The following FNDC3A variants were observed in gnomAD, a reference collection of about 807,000 sequenced individuals.
FNDC3A encodes the protein fibronectin type-III domain-containing protein 3A.
In FNDC3A, 32 loss-of-function variants were observed where a neutral mutation model predicts 148.9. The observed-to-expected ratio is 0.21, with a 90% CI of 0.16 to 0.29. FNDC3A has a LOEUF of 0.29. Among genes scored for constraint, FNDC3A ranks in the 10% least tolerant of loss-of-function variants. FNDC3A has a pLI of 1.00. For missense variants in FNDC3A, 1,191 were observed against 1,452.8 expected, an observed-to-expected ratio of 0.82 and a Z score of 2.93; for synonymous variants, 472 against 473.6, an observed-to-expected ratio of 1.00 and a Z score of 0.04.
Position 48,977,921 on chromosome 13 carries a change from AG to A in FNDC3A, c.-40+1745del, listed in dbSNP as rs564210104. ...TTTTTATCCCAGGCTGGCTACCGTTAGCCACCTGTATGCTTCTGAATTAACT... is the reference window on the plus strand; with the variant it reads ...TTTTTATCCCAGGCTGGCTACCGTTACCACCTGTATGCTTCTGAATTAACT... On this transcript the variant is annotated intron_variant, in intron 1 of 25. Coordinates refer to ENST00000492622, the MANE Select transcript of FNDC3A (RefSeq NM_001079673.2). Among the ~76,000 whole-genome samples the A allele has an allele frequency of 7.0e-4, 107 of 152,280 alleles. 1 individual carries two copies. Among genetic ancestry groups the A allele is most frequent in the Admixed American group, 4.2e-3 (64 of 15,300 alleles).
intron 2 of FNDC3A, among the ~76,000 whole-genome samples, chr13:49,033,128 A>C (rs1198345338): frequency 6.6e-6 from 1 of 152,168 alleles, no homozygotes; most frequent in East Asian, 1.9e-4. Context: ...ATAAACCGCA[A>C]ATATACTGAC....
intron 12 of FNDC3A, 146 bp downstream of exon 12, chr13:49,174,705 T>A (rs1350876574): frequency 3.0e-6 from 2 of 658,132 alleles, no homozygotes; most frequent in South Asian, 2.7e-5. Flanking sequence ...GTTACCAGTC[T>A]AGCAAAAGCT....
chr13:49,196,132 G>A (rs1886141768), intron 19 of FNDC3A, among the ~76,000 whole-genome samples: 2 of 151,152 alleles, frequency 1.3e-5, no homozygotes, highest in African/African-American at 4.9e-5. Flanking sequence ...TTAAAGATGG[G>A]CATTTGGCAA....
chr13:49,209,044 A>G lies in FNDC3A; in HGVS notation c.*1649A>G, dbSNP rs1886779176. The G allele has an allele frequency of 6.6e-6, 1 of 152,660 alleles. No homozygotes were observed. Among genetic ancestry groups the G allele is most frequent in the African/African-American group, 2.4e-5 (1 of 41,466 alleles). 9.5% of individuals were successfully genotyped at this position (152,660 alleles called of 1,614,324 possible). On this transcript the variant is annotated 3_prime_UTR_variant, in exon 26 of 26. Coordinates refer to ENST00000492622, the MANE Select transcript of FNDC3A (RefSeq NM_001079673.2). ...TAAGTGGTAAGAATGACCTGTCACTATAATATACTGTATGTTTACATTTTA... is the reference window on the plus strand; with the variant it reads ...TAAGTGGTAAGAATGACCTGTCACTGTAATATACTGTATGTTTACATTTTA...
chr13:49,112,550 G>A (rs1454115221), intron 3 of FNDC3A, among the ~76,000 whole-genome samples: 2 of 152,010 alleles, frequency 1.3e-5, no homozygotes, highest in Non-Finnish European at 2.9e-5. Flanking sequence ...GACAACAAAG[G>A]CCTTAATTTT....
intron 1 of FNDC3A, among the ~76,000 whole-genome samples, chr13:48,999,087 G>A (rs728075): frequency 0.58 from 87,910 of 151,946 alleles, 27,090 homozygotes; most frequent in Non-Finnish European, 0.68. Flanking sequence ...GGACTGCCCC[G>A]CAGCAGAGCC....
intron 7 of FNDC3A, among the ~76,000 whole-genome samples, chr13:49,139,118 A>G (rs1882548695): frequency 6.6e-6 from 1 of 152,232 alleles, no homozygotes; most frequent in Non-Finnish European, 1.5e-5. Flanking sequence ...TTATAGAAAT[A>G]GGAATGATAT....
At chr13:48,978,831 G>A (rs971348083) in intron 1 of FNDC3A, among the ~76,000 whole-genome samples, 1 of 152,108 alleles carries the variant, frequency 6.6e-6, no homozygotes, top group Admixed American at 6.5e-5. Flanking sequence ...ATGTGTGAAT[G>A]TCAAAAACTA....
At chr13:49,004,463 A>T (rs76189804) in intron 1 of FNDC3A, among the ~76,000 whole-genome samples, 2,846 of 152,156 alleles carry the variant, frequency 0.019, 93 homozygotes, top group African/African-American at 0.063. Context: ...TGGGTTGAAA[A>T]TTTTAAAAAG....
intron 14 of FNDC3A, among the ~76,000 whole-genome samples, chr13:49,185,395 C>T (rs1249096462): frequency 2.0e-5 from 3 of 152,144 alleles, no homozygotes; most frequent in African/African-American, 7.2e-5. Context: ...TCTCAAGGCT[C>T]TCCTGGGACT....
At chr13:49,137,973 A>G (rs1882477041) in intron 6 of FNDC3A, among the ~76,000 whole-genome samples, 1 of 152,196 alleles carries the variant, frequency 6.6e-6, no homozygotes, top group South Asian at 2.1e-4. Flanking sequence ...CACAAGCACC[A>G]ATAACCACAA....
intron 3 of FNDC3A, among the ~76,000 whole-genome samples, chr13:49,112,503 A>T (rs1361330134): frequency 6.6e-6 from 1 of 152,144 alleles, no homozygotes; most frequent in Non-Finnish European, 1.5e-5. Flanking sequence ...AACTTAAGAA[A>T]ATTTTATTCT....
intron 4 of FNDC3A, among the ~76,000 whole-genome samples, chr13:49,123,056 A>G (rs974658410): frequency 6.6e-5 from 10 of 152,198 alleles, no homozygotes; most frequent in African/African-American, 2.4e-4. Context: ...CCTAAAGAAA[A>G]AGAACAGGGC....
intron 1 of FNDC3A, among the ~76,000 whole-genome samples, chr13:48,988,676 T>C (rs1454343764): frequency 2.6e-5 from 4 of 151,850 alleles, no homozygotes; most frequent in Admixed American, 6.6e-5. Flanking sequence ...ACCTTGTTTT[T>C]ACTAAATAAT....
At chr13:49,102,327 CCTTA>C (rs1879914818) in intron 3 of FNDC3A, among the ~76,000 whole-genome samples, 1 of 151,992 alleles carries the variant, frequency 6.6e-6, no homozygotes, top group Non-Finnish European at 1.5e-5. Context: ...ATATAATATC[CCTTA>C]CTTACTAGAA....
chr13:49,194,659 A>G (rs968245701), intron 19 of FNDC3A, among the ~76,000 whole-genome samples: 4 of 152,186 alleles, frequency 2.6e-5, no homozygotes, highest in African/African-American at 7.2e-5. Flanking sequence ...TTAATCGTGA[A>G]TATGATAGAA....
intron 1 of FNDC3A, among the ~76,000 whole-genome samples, chr13:48,986,303 T>C (rs1951791897): frequency 6.9e-6 from 1 of 145,820 alleles, no homozygotes; most frequent in African/African-American, 2.5e-5. Context: ...TATTAAAACC[T>C]AATATTTCAA....
intron 11 of FNDC3A, among the ~76,000 whole-genome samples, chr13:49,173,445 T>C (rs544528737): frequency 1.6e-4 from 24 of 152,346 alleles, no homozygotes; most frequent in African/African-American, 5.5e-4. Flanking sequence ...AGATTAGGAA[T>C]AGAAAGGTAA....
chr13:49,058,382 T>G (rs577509374), intron 2 of FNDC3A, among the ~76,000 whole-genome samples: 16 of 152,150 alleles, frequency 1.1e-4, no homozygotes, highest in African/African-American at 3.9e-4. Flanking sequence ...AGGCCCAGGG[T>G]GTGGTGCAGG....
Sources: gnomAD v4.1 joint callset for allele counts (sites outside exome capture counted in the v4.1 genomes callset) on GRCh38, gnomAD v4.1.1 for gene constraint, MANE v1.5 for transcripts, NCBI Gene and HGNC (gene_info 2026-07-23, HGNC 2026-07-21) for gene names.